ARL15: variants seen among roughly 807,000 people sequenced by gnomAD.
ARL15 encodes ARF like GTPase 15.
A neutral mutation model predicts 25.2 loss-of-function variants in ARL15; 19 were observed. That is an observed-to-expected ratio of 0.75 (90% CI 0.53 to 1.10). The LOEUF (loss-of-function observed/expected upper bound fraction) is 1.10, where lower values mean the gene tolerates loss of function less well. Ranked by LOEUF, ARL15 falls within the 50% of genes least tolerant of loss-of-function variation. ARL15 has a pLI of 0.00. For synonymous variants in ARL15, 94 were observed against 86.8 expected, an observed-to-expected ratio of 1.08 and a Z score of -0.46; for missense variants, 220 against 246.0, an observed-to-expected ratio of 0.89 and a Z score of 0.71.
intron 1 of ARL15, among the ~76,000 whole-genome samples, chr5:54,188,637 A>G (rs1414483949): frequency 6.6e-6 from 1 of 152,214 alleles, no homozygotes; most frequent in Non-Finnish European, 1.5e-5. Flanking sequence ...GACCCACACA[A>G]GAGGAATAAG....
At chr5:53,948,307 C>G (rs1746818263) in intron 4 of ARL15, among the ~76,000 whole-genome samples, 1 of 152,238 alleles carries the variant, frequency 6.6e-6, no homozygotes, top group South Asian at 2.1e-4. Flanking sequence ...CACCTAACTC[C>G]TATCATCATG....
intron 4 of ARL15, among the ~76,000 whole-genome samples, chr5:53,903,711 C>T (rs1745142433): frequency 6.6e-6 from 1 of 152,186 alleles, no homozygotes; most frequent in Non-Finnish European, 1.5e-5. Context: ...AGGAGCATCA[C>T]AGGTCAACAG....
At chr5:54,078,497 T>C (rs924185424) in intron 4 of ARL15, among the ~76,000 whole-genome samples, 1 of 152,204 alleles carries the variant, frequency 6.6e-6, no homozygotes, top group African/African-American at 2.4e-5. Flanking sequence ...AATTTCTATT[T>C]AGACACATAT....
chr5:53,886,774 A>C, intron 4 of ARL15, 61 bp from the exon 5 acceptor site: 2 of 1,448,952 alleles, frequency 1.4e-6, no homozygotes. Context: ...TTCTCATATC[A>C]AAATTCTGAG....
intron 1 of ARL15, among the ~76,000 whole-genome samples, chr5:54,183,832 A>G (rs1262114930): frequency 6.6e-6 from 1 of 151,480 alleles, no homozygotes; most frequent in African/African-American, 2.4e-5. Context: ...TCACAATAGC[A>G]AAGACTTGGA....
intron 4 of ARL15, among the ~76,000 whole-genome samples, chr5:53,979,634 A>C (rs1245827619): frequency 1.3e-5 from 2 of 152,222 alleles, no homozygotes; most frequent in Non-Finnish European, 2.9e-5. Flanking sequence ...TGCCAGAAGC[A>C]GTCATAGGGC....
intron 1 of ARL15, among the ~76,000 whole-genome samples, chr5:54,202,049 A>G (rs1448531298): frequency 3.9e-5 from 6 of 152,206 alleles, no homozygotes; most frequent in East Asian, 1.9e-4. Context: ...TTTAAAAGTC[A>G]TATGAATGAG....
chr5:54,121,934 G>A (rs896052324), intron 3 of ARL15, among the ~76,000 whole-genome samples: 3 of 152,150 alleles, frequency 2.0e-5, no homozygotes, highest in African/African-American at 7.2e-5. Context: ...TGTTGTGGAT[G>A]TTACTATTAT....
chr5:54,141,209 A>G (rs1256586150), intron 3 of ARL15, among the ~76,000 whole-genome samples: 2 of 152,112 alleles, frequency 1.3e-5, no homozygotes, highest in African/African-American at 4.8e-5. Flanking sequence ...TCTTATTAGC[A>G]CTGAGATTTT....
intron 4 of ARL15, among the ~76,000 whole-genome samples, chr5:54,068,396 T>C (rs778391421): frequency 9.2e-5 from 14 of 152,170 alleles, no homozygotes; most frequent in Admixed American, 3.3e-4. Flanking sequence ...CTCTAGAAAG[T>C]CAACGTATCC....
intron 1 of ARL15, among the ~76,000 whole-genome samples, chr5:54,271,900 C>CCAATAGAT (rs1429955833): frequency 1.0e-4 from 15 of 147,900 alleles, no homozygotes; most frequent in Non-Finnish European, 1.5e-4. Flanking sequence ...ATTGGCTGTG[C>CCAATAGAT]TTAACATTTA....
In ARL15 at chr5:54,283,870, A is replaced by T. The variant is rs78045530; in HGVS notation, c.48+26562T>A. On this transcript the variant is annotated intron_variant, in intron 1 of 4. Transcript: ENST00000504924. ...TGAGATGTAACTGAAAGGTGCTTAA[A>T]GGGAACTGACTCTGAGAAGAGCCCT... is the stretch of plus-strand genomic sequence containing the variant. Among the ~76,000 whole-genome samples, 1,447 of 152,344 alleles carry T rather than the reference A, an allele frequency of 9.5e-3. 8 individuals are homozygous for T. Among genetic ancestry groups the T allele is most frequent in the Middle Eastern group, 0.017 (5 of 294 alleles).
chr5:54,137,258 C>T (rs998788355), intron 3 of ARL15, among the ~76,000 whole-genome samples: 11 of 152,094 alleles, frequency 7.2e-5, no homozygotes, highest in African/African-American at 4.8e-5. Context: ...TGCACATGGC[C>T]GTCCTGCACT....
rs1196537602 is a variant in ARL15 at position 54,044,240 on chromosome 5, A to ATT, written c.462+68960_462+68961dup. Among the ~76,000 whole-genome samples the ATT allele has an allele frequency of 1.2e-3, 149 of 128,700 alleles. 2 individuals are homozygous for ATT. Among genetic ancestry groups the ATT allele is most frequent in the African/African-American group, 3.2e-3 (109 of 33,638 alleles). The allele number at this position is 128,700 out of a possible 152,430, so 84.4% of individuals were successfully genotyped here. A position where few individuals can be genotyped will look rare whatever the true frequency, so the allele number is the denominator to read the frequency against. ...AAATCTAGAAACAGGCCATTATTTA[A>ATT]TTTTTTTTTTTTTTTTTTTTTGAGA... On this transcript the variant is annotated intron_variant, in intron 4 of 4. Coordinates refer to ENST00000504924, the MANE Select transcript of ARL15 (RefSeq NM_019087.3).
intron 4 of ARL15, among the ~76,000 whole-genome samples, chr5:53,940,568 T>C (rs1746509895): frequency 6.6e-6 from 1 of 152,180 alleles, no homozygotes; most frequent in Non-Finnish European, 1.5e-5. Context: ...ATTATGCATG[T>C]TCTAGTATAA....
intron 3 of ARL15, among the ~76,000 whole-genome samples, chr5:54,153,461 C>A (rs1754128851): frequency 1.3e-5 from 2 of 151,988 alleles, no homozygotes; most frequent in African/African-American, 4.8e-5. Context: ...ATTTAAAATA[C>A]CCTAATAGAA....
chr5:53,916,259 G>T (rs1451485031), intron 4 of ARL15, among the ~76,000 whole-genome samples: 1 of 147,702 alleles, frequency 6.8e-6, no homozygotes, highest in East Asian at 2.0e-4. Context: ...ATCTCAATGT[G>T]GCTGTGTCCA....
intron 4 of ARL15, among the ~76,000 whole-genome samples, chr5:53,975,602 A>T (rs1747897167): frequency 6.6e-6 from 1 of 152,246 alleles, no homozygotes; most frequent in South Asian, 2.1e-4. Flanking sequence ...TTTATTTGAC[A>T]TTGGAAAGAT....
intron 2 of ARL15, among the ~76,000 whole-genome samples, chr5:54,171,099 T>C (rs530424710): frequency 1.3e-5 from 2 of 152,308 alleles, no homozygotes; most frequent in South Asian, 2.1e-4. Flanking sequence ...TTCTCACTAA[T>C]AACTTGACAC....
Sources: allele counts gnomAD v4.1 joint callset (sites outside exome capture counted in the v4.1 genomes callset), GRCh38; gene constraint gnomAD v4.1.1; transcripts MANE v1.5; gene names NCBI Gene and HGNC (gene_info 2026-07-23, HGNC 2026-07-21).